The following MAPK8IP2 variants were observed in gnomAD, a reference collection of about 807,000 sequenced individuals.
MAPK8IP2 encodes the protein mitogen-activated protein kinase 8 interacting protein 2.
A neutral mutation model predicts 75.6 loss-of-function variants in MAPK8IP2; 15 were observed. The ratio of observed to expected loss-of-function variants is 0.20; its 90% CI spans 0.13 to 0.31. The LOEUF is 0.31. Among genes scored for constraint, MAPK8IP2 ranks in the 10% least tolerant of loss-of-function variants. The probability of loss-of-function intolerance (pLI) is 1.00; values close to 1 mark genes in which losing one functional copy is unlikely to be tolerated. For missense variants in MAPK8IP2, 1,089 were observed against 1,211.2 expected, an observed-to-expected ratio of 0.90 and a Z score of 1.50; for synonymous variants, 632 against 554.5, an observed-to-expected ratio of 1.14 and a Z score of -1.96.
rs533816758 is a variant in MAPK8IP2, at chr22:50,604,489, C to A, written c.1190C>A (p.Pro397His). The change falls in exon 5 of 12, where the codon CCC becomes CAC. Residue 397 changes from proline (P) to histidine (H), a missense_variant. Around this residue, in one of 2 missense-constraint regions of MAPK8IP2, gnomAD observed 960 missense variants for 1,009.6 expected, o/e 0.95. Transcript: ENST00000329492. ...AGGAAQDSQDPEAAAGPGGVE... is the reference protein window; with the variant it reads ...AGGAAQDSQDHEAAAGPGGVE... ...GGGGCCGCCCAGGACTCCCAGGACC[C>A]CGAGGCGGCCGCGGGGCCCGGCGGC... The A allele has an allele frequency of 3.3e-4, 411 of 1,247,958 alleles. 4 individuals are homozygous for A. The African/African-American group carries it at 5.9e-3, about 18-fold the overall frequency. 77.3% of individuals were successfully genotyped at this position (1,247,958 alleles called of 1,614,324 possible).
At chr22:50,609,319 T>C (rs947710205) in intron 10 of MAPK8IP2, among the ~76,000 whole-genome samples, 2 of 152,114 alleles carry the variant, frequency 1.3e-5, no homozygotes, top group African/African-American at 4.8e-5. Flanking sequence ...CCTCTGTGCC[T>C]AGCTCTCCAT....
chr22:50,603,566 C>T, intron 3 of MAPK8IP2, 60 bp from the exon 4 acceptor site: 1 of 1,580,118 alleles, frequency 6.3e-7, no homozygotes, highest in Non-Finnish European at 8.6e-7. Context: ...TGCAGCCAGC[C>T]CTGCTCACCC....
At chr22:50,609,599 G>C in intron 10 of MAPK8IP2, 1 of 368,882 alleles carries the variant, frequency 2.7e-6, no homozygotes, top group African/African-American at 2.1e-5. Flanking sequence ...GCCAGTTTCA[G>C]GGGTGGGGGT....
rs923764423 is a variant in MAPK8IP2, at chr22:50,610,548, G to A, written c.2403-159G>A. ...GGGGTAGAATTGCTGGGCCAGGAGA[G>A]CTGAGGGTCACACTTGGGGGTGACA... On this transcript the variant is annotated intron_variant, in intron 11 of 11. Coordinates refer to ENST00000329492, the MANE Select transcript of MAPK8IP2 (RefSeq NM_012324.6). The surrounding 1 kb of genome is among the most constrained non-coding windows in gnomAD (Gnocchi z 4.3). Among the ~76,000 whole-genome samples the A allele has an allele frequency of 6.6e-6, 1 of 152,218 alleles. No individual in the cohort carries two copies. Among genetic ancestry groups the A allele is most frequent in the Middle Eastern group, 3.4e-3 (1 of 294 alleles).
chr22:50,602,697 C>T (rs759925360), intron 2 of MAPK8IP2, among the ~76,000 whole-genome samples: 18 of 152,172 alleles, frequency 1.2e-4, no homozygotes, highest in Non-Finnish European at 2.4e-4. Flanking sequence ...GTGCCAATGG[C>T]CCTGGGGTTG....
At position 50,604,162 on chromosome 22, in the gene MAPK8IP2, G is replaced by T; in HGVS notation, c.863G>T (p.Gly288Val). ...LSSDGGSSSS[G>V]RSSHLTNSIE... ...AGCGATGGCGGAAGCAGCAGCAGCGGCCGCTCCTCGCACCTCACCAACTCC... is the reference window on the plus strand; with the variant it reads ...AGCGATGGCGGAAGCAGCAGCAGCGTCCGCTCCTCGCACCTCACCAACTCC... Residue 288 changes from glycine (G) to valine (V), a missense_variant, in exon 5 of 12, where the codon GGC becomes GTC. By Grantham distance (109) the Gly-to-Val change is moderately radical. Coordinates refer to ENST00000329492, the MANE Select transcript of MAPK8IP2 (RefSeq NM_012324.6). 1 of 1,549,980 alleles carries T rather than the reference G, an allele frequency of 6.5e-7. No homozygotes were observed. The highest frequency in any genetic ancestry group is 8.6e-7 in the Non-Finnish European group (1 of 1,156,486).
At position 50,604,115 on chromosome 22, in the gene MAPK8IP2, G is replaced by C. The variant is rs915255314; in HGVS notation, c.816G>C (p.Ser272=). Residue 272 remains serine, a synonymous_variant, in exon 5 of 12, where the codon TCG becomes TCC. Coordinates refer to ENST00000329492, the MANE Select transcript of MAPK8IP2 (RefSeq NM_012324.6). ...ARLGRMISSI[S]ETELELSSDG... ...TGGGGCGCATGATCTCGTCCATCTC[G>C]GAGACGGAGCTGGAGCTGAGCAGCG... 6.4e-7 allele frequency: 1 copy of C among 1,553,668 alleles called. No homozygotes were observed. The highest frequency in any genetic ancestry group is 2.4e-5 in the East Asian group (1 of 41,650).
In MAPK8IP2 at chr22:50,612,909, C is replaced by CCCGGCCCCGCCCCG. The variant is rs2071174099; in HGVS notation, c.*2131_*2132insCGGCCCCGCCCCGC. 3 of 41,772 alleles carry CCCGGCCCCGCCCCG rather than the reference C, an allele frequency of 7.2e-5. No homozygotes were observed. Among genetic ancestry groups the CCCGGCCCCGCCCCG allele is most frequent in the Admixed American group, 2.3e-4 (1 of 4,358 alleles). The allele number at this position is 41,772 out of a possible 1,614,324, so 2.6% of individuals were successfully genotyped here. On this transcript the variant is annotated 3_prime_UTR_variant, in exon 12 of 12. Coordinates refer to ENST00000329492, the MANE Select transcript of MAPK8IP2 (RefSeq NM_012324.6). ...CCCCGCCCCTGCCCGGCCCCGCCCCCCAACGTGTCTTCAGGTCTCTTTCCC... is the reference window on the plus strand; with the variant it reads ...CCCCGCCCCTGCCCGGCCCCGCCCCCCCGGCCCCGCCCCGCAACGTGTCTTCAGGTCTCTTTCCC...
At chr22:50,608,105 C>T (rs1291195704) in intron 10 of MAPK8IP2, among the ~76,000 whole-genome samples, 3 of 152,162 alleles carry the variant, frequency 2.0e-5, no homozygotes, top group Non-Finnish European at 4.4e-5. Context: ...GTGGGACAGA[C>T]GTCAGTGCAT....
At chr22:50,603,782 G>A in intron 4 of MAPK8IP2, 59 bp from the exon 5 acceptor site, 4 of 1,539,438 alleles carry the variant, frequency 2.6e-6, no homozygotes, top group Non-Finnish European at 3.5e-6. Context: ...AGGATGGACT[G>A]GCTGCTGGAA....
Position 50,603,964 on chromosome 22 carries a change from C to T in MAPK8IP2, c.665C>T (p.Pro222Leu). The T allele has an allele frequency of 4.5e-6, 7 of 1,553,348 alleles. No homozygotes were observed. The highest frequency in any genetic ancestry group is 6.1e-6 in the Non-Finnish European group (7 of 1,155,272). Residue 222 changes from proline (P) to leucine (L), a missense_variant, in exon 5 of 12, where the codon CCC (proline) becomes CTC (leucine). Coordinates refer to ENST00000329492, the MANE Select transcript of MAPK8IP2 (RefSeq NM_012324.6). The part of the protein sequence containing the change: ...AEPPAPGGTS[P>L]SSDPGIEADL... ...CCCCCTGCGCCAGGGGGGACTTCGC[C>T]CTCCTCAGATCCCGGCATCGAGGCT...
rs555675735 is a variant in MAPK8IP2 at position 50,604,756 on chromosome 22, C to T, written c.1457C>T (p.Ala486Val). 7.1e-6 allele frequency: 11 copies of T among 1,542,702 alleles called. No homozygotes were observed. The highest frequency in any genetic ancestry group is 6.0e-5 in the South Asian group (5 of 83,702). ...DEEEEDAEDS[A>V]GSPGGRGTGP... ...GAAGAGGAGGATGCCGAGGACAGTGCGGGGTCCCCCGGGGGCAGGGGCACG... is the reference window on the plus strand; with the variant it reads ...GAAGAGGAGGATGCCGAGGACAGTGTGGGGTCCCCCGGGGGCAGGGGCACG... Residue 486 changes from alanine to valine, a missense_variant, in exon 5 of 12, where the codon GCG becomes GTG. Coordinates refer to ENST00000329492, the MANE Select transcript of MAPK8IP2 (RefSeq NM_012324.6).
Position 50,604,705 on chromosome 22 carries a change from A to T in MAPK8IP2, c.1406A>T (p.Glu469Val). The T allele has an allele frequency of 1.3e-6, 2 of 1,529,568 alleles. No individual in the cohort carries two copies. Among genetic ancestry groups the T allele is most frequent in the Non-Finnish European group, 1.8e-6 (2 of 1,140,410 alleles). 94.7% of individuals were successfully genotyped at this position (1,529,568 alleles called of 1,614,324 possible). A position where few individuals can be genotyped will look rare whatever the true frequency, so the allele number is the denominator to read the frequency against. ...PGRACSAACS[E>V]EEDEEDDEEE... ...CGAGCCTGCTCCGCCGCCTGCTCCG[A>T]GGAGGAGGACGAAGAGGACGACGAG... is the stretch of plus-strand genomic sequence containing the variant. Residue 469 changes from glutamate to valine, a missense_variant, in exon 5 of 12, where the codon GAG (glutamate) becomes GTG (valine). Physicochemically the swap from Glu to Val is moderately radical, Grantham distance 121. Transcript: ENST00000329492.
At chr22:50,606,280 C>T (rs1001210447) in intron 8 of MAPK8IP2, among the ~76,000 whole-genome samples, 1 of 125,050 alleles carries the variant, frequency 8.0e-6, no homozygotes, top group East Asian at 2.7e-4. Context: ...TACTCATCCA[C>T]TCACTCAGTG....
chr22:50,607,049 A>T lies in MAPK8IP2; in HGVS notation c.2303+58A>T, dbSNP rs1263079093. On this transcript the variant is annotated intron_variant, in intron 10 of 11. Coordinates refer to ENST00000329492, the MANE Select transcript of MAPK8IP2 (RefSeq NM_012324.6). This position sits in a 1 kb window ranked among gnomAD's most constrained non-coding sequence, Gnocchi z 5.6. ...CGCCCCCACAAACCCTGAGAGTCCA[A>T]CCGCCCCCTGAGTCCCCACAGACCC... The T allele has an allele frequency of 4.2e-6, 6 of 1,443,780 alleles. No individual in the cohort carries two copies. In the Admixed American group the frequency reaches 1.0e-4, roughly 24 times the overall value. 89.4% of individuals were successfully genotyped at this position (1,443,780 alleles called of 1,614,324 possible).
At chr22:50,603,802 G>C in intron 4 of MAPK8IP2, 39 bp from the exon 5 acceptor site, 1 of 1,532,680 alleles carries the variant, frequency 6.5e-7, no homozygotes, top group Non-Finnish European at 8.8e-7. Flanking sequence ...AGAGGCCTGG[G>C]TGGTGCAGAG....
chr22:50,605,084 A>G lies in MAPK8IP2; in HGVS notation c.1765+20A>G. ...CCTCCAGTGAGTGAGAGGTGGGGAA[A>G]AGGGGGGTGGCCCAGAGGAAGGTGC... On this transcript the variant is annotated intron_variant, in intron 5 of 11. Transcript: ENST00000329492. 6.2e-7 allele frequency: 1 copy of G among 1,611,808 alleles called. No individual in the cohort carries two copies. The highest frequency in any genetic ancestry group is 8.5e-7 in the Non-Finnish European group (1 of 1,179,554).
At chr22:50,601,311 C>G (rs2070933435) in intron 1 of MAPK8IP2, 3 of 157,600 alleles carry the variant, frequency 1.9e-5, no homozygotes, top group African/African-American at 7.2e-5. Context: ...GAAATCAAGC[C>G]CGGAGCCCTG....
chr22:50,605,116 C>T, intron 5 of MAPK8IP2, 52 bp downstream of exon 5: 1 of 1,596,956 alleles, frequency 6.3e-7, no homozygotes, highest in Non-Finnish European at 8.6e-7. Context: ...GTGCAGACTC[C>T]CTGGCCCCAG....
Sources: gnomAD v4.1 joint callset for allele counts (sites outside exome capture counted in the v4.1 genomes callset) on GRCh38, gnomAD v4.1.1 for gene constraint, gnomAD v4.1.1 regional missense constraint, Gnocchi (gnomAD v3.1) non-coding constraint, MANE v1.5 for transcripts, NCBI Gene and HGNC (gene_info 2026-07-23, HGNC 2026-07-21) for gene names.